Variants in PPP3CA observed in about 807,000 individuals in gnomAD.
PPP3CA encodes the protein protein phosphatase 3 catalytic subunit alpha.
A neutral mutation model predicts 66.5 loss-of-function variants in PPP3CA; 14 were observed. The ratio of observed to expected loss-of-function variants is 0.21; its 90% CI spans 0.14 to 0.33. The LOEUF (loss-of-function observed/expected upper bound fraction) is 0.33, where lower values mean the gene tolerates loss of function less well. PPP3CA is among the 10% of genes least tolerant of loss of function. The probability of loss-of-function intolerance (pLI) is 1.00; values close to 1 mark genes in which losing one functional copy is unlikely to be tolerated. For missense variants in PPP3CA, 317 were observed against 639.5 expected, an observed-to-expected ratio of 0.50 and a Z score of 5.44; for synonymous variants, 232 against 226.2, an observed-to-expected ratio of 1.03 and a Z score of -0.23.
intron 2 of PPP3CA, among the ~76,000 whole-genome samples, chr4:101,139,628 G>T (rs972659353): frequency 2.0e-5 from 3 of 150,870 alleles, no homozygotes; most frequent in Non-Finnish European, 1.5e-5. Flanking sequence ...AACATGAACA[G>T]AGTCCTGATA....
intron 2 of PPP3CA, among the ~76,000 whole-genome samples, chr4:101,178,506 A>G (rs1021078266): frequency 2.5e-4 from 38 of 152,088 alleles, no homozygotes; most frequent in African/African-American, 8.4e-4. Flanking sequence ...ATATAGTCAC[A>G]CTGTCTCCCA....
chr4:101,177,717 A>T (rs1174061674), intron 2 of PPP3CA, among the ~76,000 whole-genome samples: 1 of 152,066 alleles, frequency 6.6e-6, no homozygotes, highest in Non-Finnish European at 1.5e-5. Flanking sequence ...ATTTTCTATT[A>T]TAAATTATTT....
At chr4:101,338,474 A>G (rs1394650787) in intron 1 of PPP3CA, among the ~76,000 whole-genome samples, 1 of 152,208 alleles carries the variant, frequency 6.6e-6, no homozygotes, top group East Asian at 1.9e-4. Flanking sequence ...TGTAACAACT[A>G]TGTATCAAAT....
At chr4:101,167,408 C>CA (rs1723725977) in intron 2 of PPP3CA, among the ~76,000 whole-genome samples, 1 of 152,224 alleles carries the variant, frequency 6.6e-6, no homozygotes, top group African/African-American at 2.4e-5. Context: ...GCTTAGTCAA[C>CA]ATTTAAATCG....
chr4:101,121,174 T>C (rs1722015368), intron 2 of PPP3CA, among the ~76,000 whole-genome samples: 1 of 152,090 alleles, frequency 6.6e-6, no homozygotes, highest in Admixed American at 6.6e-5. Flanking sequence ...GCTAAAAAGA[T>C]CAGTCAGGAT....
At chr4:101,040,771 A>G (rs970605228) in intron 10 of PPP3CA, among the ~76,000 whole-genome samples, 1 of 152,104 alleles carries the variant, frequency 6.6e-6, no homozygotes, top group Non-Finnish European at 1.5e-5. Context: ...AGGTCCCCAT[A>G]GTGCCAAAGA....
intron 1 of PPP3CA, among the ~76,000 whole-genome samples, chr4:101,302,138 T>C (rs1284738568): frequency 6.6e-6 from 1 of 152,190 alleles, no homozygotes; most frequent in Non-Finnish European, 1.5e-5. Flanking sequence ...ATGCTGTAGA[T>C]AGAGCACTAG....
intron 12 of PPP3CA, among the ~76,000 whole-genome samples, chr4:101,031,607 A>G (rs1049250256): frequency 6.6e-6 from 1 of 152,198 alleles, no homozygotes; most frequent in Non-Finnish European, 1.5e-5. Context: ...CGGCTTCTGT[A>G]TAGATACAGA....
At chr4:101,060,909 G>T (rs757699759) in intron 10 of PPP3CA, among the ~76,000 whole-genome samples, 178 bp downstream of exon 10, 3 of 152,100 alleles carry the variant, frequency 2.0e-5, no homozygotes, top group Non-Finnish European at 2.9e-5. Context: ...AAATTCTCAT[G>T]ATATTTGTTT....
chr4:101,329,913 T>C (rs958563680), intron 1 of PPP3CA, among the ~76,000 whole-genome samples: 5 of 152,136 alleles, frequency 3.3e-5, no homozygotes, highest in Admixed American at 3.3e-4. Context: ...ATGCACCTAG[T>C]CATCCAAGAG....
chr4:101,330,979 A>G (rs1048534237), intron 1 of PPP3CA, among the ~76,000 whole-genome samples: 5 of 152,212 alleles, frequency 3.3e-5, no homozygotes, highest in African/African-American at 1.2e-4. Context: ...ACATATTTCT[A>G]CAAAGAAGAC....
At position 101,144,031 on chromosome 4, in the gene PPP3CA, CCTT is replaced by C. The variant is rs533196503; in HGVS notation, c.260-34956_260-34954del. 2.7e-3 allele frequency among the ~76,000 whole-genome samples: 413 copies of C among 152,284 alleles called. 4 individuals are homozygous for C. Among genetic ancestry groups the C allele is most frequent in the African/African-American group, 9.5e-3 (396 of 41,548 alleles). ...GATTTCTCTTTCCACTCATCACCCTCCTTCTTTAGACCCCAAATCTTAAATATT... is the reference window on the plus strand; with the variant it reads ...GATTTCTCTTTCCACTCATCACCCTCCTTTAGACCCCAAATCTTAAATATT... On this transcript the variant is annotated intron_variant, in intron 2 of 13. Coordinates refer to ENST00000394854, the MANE Select transcript of PPP3CA (RefSeq NM_000944.5).
chr4:101,145,707 T>G (rs1023785754), intron 2 of PPP3CA, among the ~76,000 whole-genome samples: 2 of 152,110 alleles, frequency 1.3e-5, no homozygotes, highest in African/African-American at 4.8e-5. Context: ...AATTAATTAT[T>G]TCTTACCCAA....
chr4:101,125,130 A>G lies in PPP3CA; in HGVS notation c.260-16052T>C, dbSNP rs558138546. Reference sequence around the variant, plus strand: ...AGGCAGGGGGGGTATAAGATACTATAGAAACTTAAGCCACTTGCAGGATCT... The same window carrying G: ...AGGCAGGGGGGGTATAAGATACTATGGAAACTTAAGCCACTTGCAGGATCT... On this transcript the variant is annotated intron_variant, in intron 2 of 13. Coordinates refer to ENST00000394854, the MANE Select transcript of PPP3CA (RefSeq NM_000944.5). 2.0e-3 allele frequency among the ~76,000 whole-genome samples: 307 copies of G among 152,364 alleles called. 2 individuals are homozygous for G. The highest frequency in any genetic ancestry group is 4.1e-3 in the Admixed American group (62 of 15,304).
At chr4:101,339,974 A>G (rs1729761263) in intron 1 of PPP3CA, among the ~76,000 whole-genome samples, 1 of 152,182 alleles carries the variant, frequency 6.6e-6, no homozygotes, top group Non-Finnish European at 1.5e-5. Context: ...ATCACCACAG[A>G]AAGACTCTAA....
rs186791481 is a variant in PPP3CA, at chr4:101,026,163, G to A, written c.1370-102C>T. ...GATGTTAGAGATTTCTCAGTGAGAG[G>A]GAATCCTTCAGTGAAGAACAAAGTG... On this transcript the variant is annotated intron_variant, in intron 13 of 13. Transcript: ENST00000394854. The A allele has an allele frequency of 1.3e-5, 13 of 985,144 alleles. No homozygotes were observed. The African/African-American group carries it at 1.6e-4, about 12-fold the overall frequency. The allele number at this position is 985,144 out of a possible 1,614,324, so 61.0% of individuals were successfully genotyped here. A position where few individuals can be genotyped will look rare whatever the true frequency, so the allele number is the denominator to read the frequency against.
At chr4:101,321,817 C>T (rs1234289699) in intron 1 of PPP3CA, among the ~76,000 whole-genome samples, 1 of 152,096 alleles carries the variant, frequency 6.6e-6, no homozygotes, top group Non-Finnish European at 1.5e-5. Context: ...TGGTAGAGTG[C>T]AAGTGCCAAG....
At chr4:101,279,132 T>C (rs965749182) in intron 1 of PPP3CA, among the ~76,000 whole-genome samples, 23 of 151,920 alleles carry the variant, frequency 1.5e-4, no homozygotes, top group East Asian at 1.4e-3. Flanking sequence ...AAAATAGCAA[T>C]TGTTACAGAA....
chr4:101,149,733 T>C (rs1300131428), intron 2 of PPP3CA, among the ~76,000 whole-genome samples: 1 of 152,176 alleles, frequency 6.6e-6, no homozygotes, highest in Non-Finnish European at 1.5e-5. Flanking sequence ...TAAATTATAA[T>C]TTAGACCTTA....
Sources: allele counts gnomAD v4.1 joint callset (sites outside exome capture counted in the v4.1 genomes callset), GRCh38; gene constraint gnomAD v4.1.1; transcripts MANE v1.5; gene names NCBI Gene and HGNC (gene_info 2026-07-23, HGNC 2026-07-21).